The following PRRC2B variants were observed in gnomAD, a reference collection of about 807,000 sequenced individuals.
The protein encoded by PRRC2B is protein PRRC2B.
A neutral mutation model predicts 242.3 loss-of-function variants in PRRC2B; 68 were observed. The ratio of observed to expected loss-of-function variants is 0.28; its 90% CI spans 0.23 to 0.34. The LOEUF (loss-of-function observed/expected upper bound fraction) is 0.34. PRRC2B is among the 10% of genes least tolerant of loss of function. PRRC2B has a pLI of 1.00. For missense variants in PRRC2B, 2,835 were observed against 2,954.8 expected, an observed-to-expected ratio of 0.96 and a Z score of 0.94; for synonymous variants, 1,228 against 1,173.6, an observed-to-expected ratio of 1.05 and a Z score of -0.95.
intron 1 of PRRC2B, among the ~76,000 whole-genome samples, chr9:131,429,186 A>G (rs777778296): frequency 6.2e-4 from 94 of 152,292 alleles, no homozygotes; most frequent in Non-Finnish European, 1.1e-3. Context: ...ACCTTAAGTG[A>G]TCTGCCCACC....
At chr9:131,485,247 G>A (rs1173414210) in intron 25 of PRRC2B, 107 bp downstream of exon 25, 3 of 949,844 alleles carry the variant, frequency 3.2e-6, no homozygotes, top group East Asian at 2.6e-5. Flanking sequence ...TAAGTAGCAT[G>A]TAGAAGTAGC....
rs547877416 is a variant in PRRC2B, at chr9:131,483,524, T to C, written c.5460+79T>C. The C allele has an allele frequency of 8.2e-5, 106 of 1,289,312 alleles. No homozygotes were observed. The East Asian group carries it at 2.4e-3, about 29-fold the overall frequency. 79.9% of individuals were successfully genotyped at this position (1,289,312 alleles called of 1,614,324 possible). A position where few individuals can be genotyped will look rare whatever the true frequency, so the allele number is the denominator to read the frequency against. On this transcript the variant is annotated intron_variant, in intron 23 of 31. Transcript: ENST00000683519. ...CTGGGTGAAGGAGACAGCACATGTA[T>C]TTCAGGCTGACCTGGGCTGGCACGT...
At chr9:131,420,458 T>TTTCTTTCTTTCTTTCC (rs1837780535) in intron 1 of PRRC2B, among the ~76,000 whole-genome samples, 1 of 8,772 alleles carries the variant, frequency 1.1e-4, no homozygotes, top group African/African-American at 1.9e-4. Context: ...TTTCTTTTTC[T>TTTCTTTCTTTCTTTCC]TTCTTTCTTT....
chr9:131,382,732 T>C (rs538685005), intron 1 of PRRC2B, among the ~76,000 whole-genome samples: 8 of 151,438 alleles, frequency 5.3e-5, no homozygotes, highest in African/African-American at 1.9e-4. Flanking sequence ...GCAACCTTCG[T>C]CTCCCAAGCT....
rs113331141 is a variant in PRRC2B, at chr9:131,458,537, G to C, written c.1212-627G>C. 7.3e-3 allele frequency among the ~76,000 whole-genome samples: 1,087 copies of C among 149,872 alleles called. 16 individuals carry two copies. Among genetic ancestry groups the C allele is most frequent in the African/African-American group, 0.024 (963 of 40,640 alleles). On this transcript the variant is annotated intron_variant, in intron 10 of 31. Coordinates refer to ENST00000683519, the MANE Select transcript of PRRC2B (RefSeq NM_013318.4). ...TTTTTCTGAGACGGAGTCTCTCTCT[G>C]TTTGTTGCCCAGGCTGGAGTGTAGT...
Position 131,476,241 on chromosome 9 carries a change from A to G in PRRC2B, c.4112A>G (p.Asn1371Ser), listed in dbSNP as rs906298381. The change falls in exon 16 of 32, where the codon AAT (asparagine) becomes AGT (serine). Residue 1371 changes from asparagine (N) to serine (S), a missense_variant. Transcript: ENST00000683519. Reference sequence around the variant, plus strand: ...TACCAGAACTCCTCCGATCACGCCAATGAGGAGTGGGAGACGGCCTCCGAA... The same window carrying G: ...TACCAGAACTCCTCCGATCACGCCAGTGAGGAGTGGGAGACGGCCTCCGAA... Reference protein sequence around the residue: ...LSYQNSSDHANEEWETASESS... With the variant: ...LSYQNSSDHASEEWETASESS... The G allele has an allele frequency of 4.3e-6, 7 of 1,612,734 alleles. No individual in the cohort carries two copies. Among genetic ancestry groups the G allele is most frequent in the African/African-American group, 1.3e-5 (1 of 74,912 alleles).
intron 1 of PRRC2B, among the ~76,000 whole-genome samples, chr9:131,397,020 A>AC (rs1233127006): frequency 6.6e-6 from 1 of 151,430 alleles, no homozygotes; most frequent in African/African-American, 2.4e-5. Flanking sequence ...AAAATGTGGC[A>AC]CCCCCTCCAG....
In PRRC2B at chr9:131,467,685, G is replaced by C; in HGVS notation, c.1843G>C (p.Ala615Pro). 1.2e-6 allele frequency: 2 copies of C among 1,614,002 alleles called. No individual in the cohort carries two copies. The highest frequency in any genetic ancestry group is 1.7e-6 in the Non-Finnish European group (2 of 1,179,896). ...AGAGGCCAGAGAGGCTGGGTCCCCTGCACAGGAGTTCAAGTATCAGAAGTC... is the reference window on the plus strand; with the variant it reads ...AGAGGCCAGAGAGGCTGGGTCCCCTCCACAGGAGTTCAAGTATCAGAAGTC... ...EEEAREAGSPAQEFKYQKSLP... is the reference protein window; with the variant it reads ...EEEAREAGSPPQEFKYQKSLP... Residue 615 changes from alanine to proline, a missense_variant, in exon 13 of 32, where the codon GCA (alanine) becomes CCA (proline). By Grantham distance (27) the Ala-to-Pro change is conservative. Transcript: ENST00000683519.
At chr9:131,381,493 G>T (rs1345563867) in intron 1 of PRRC2B, among the ~76,000 whole-genome samples, 1 of 137,670 alleles carries the variant, frequency 7.3e-6, no homozygotes, top group Non-Finnish European at 1.5e-5. Flanking sequence ...ATCTCGGCTC[G>T]CTGCAACCTC....
Position 131,487,411 on chromosome 9 carries a change from G to A in PRRC2B, c.5984+117G>A, listed in dbSNP as rs1944056710. The A allele has an allele frequency of 1.2e-6, 1 of 824,418 alleles. No homozygotes were observed. Among genetic ancestry groups the A allele is most frequent in the South Asian group, 1.8e-5 (1 of 55,560 alleles). 51.1% of individuals were successfully genotyped at this position (824,418 alleles called of 1,614,324 possible). ...GTCTGCTTTGGGGCCAGTGGGGCGGGGAGGGGTGGGAGTTTGCTCTGAATC... is the reference window on the plus strand; with the variant it reads ...GTCTGCTTTGGGGCCAGTGGGGCGGAGAGGGGTGGGAGTTTGCTCTGAATC... On this transcript the variant is annotated intron_variant, in intron 27 of 31. Coordinates refer to ENST00000683519, the MANE Select transcript of PRRC2B (RefSeq NM_013318.4). The surrounding 1 kb of genome is among the most constrained non-coding windows in gnomAD (Gnocchi z 5.3).
intron 28 of PRRC2B, chr9:131,490,408 C>A (rs4740252): frequency 7.7e-6 from 4 of 517,224 alleles, no homozygotes; most frequent in Non-Finnish European, 1.5e-5. Context: ...ATGGCAGCAT[C>A]TTCCCATCAT....
intron 1 of PRRC2B, among the ~76,000 whole-genome samples, chr9:131,388,365 C>G (rs148979720): frequency 6.8e-6 from 1 of 146,430 alleles, no homozygotes; most frequent in South Asian, 2.2e-4. Flanking sequence ...CTCAGCCTCC[C>G]GAGTAGCTGG....
At chr9:131,420,499 T>TCGTTC (rs889470295) in intron 1 of PRRC2B, among the ~76,000 whole-genome samples, 1 of 84,492 alleles carries the variant, frequency 1.2e-5, no homozygotes, top group African/African-American at 4.4e-5. Flanking sequence ...CTTTCTTTTT[T>TCGTTC]TTTTTTTTTT....
chr9:131,389,846 T>G (rs534119697), upstream of PRRC2B, among the ~76,000 whole-genome samples: 1 of 148,158 alleles, frequency 6.7e-6, no homozygotes, highest in East Asian at 2.0e-4. Flanking sequence ...AGGTAGAAAC[T>G]CTTAGGCACC....
In PRRC2B at chr9:131,479,310, A is replaced by C. The variant is rs773265811; in HGVS notation, c.4817A>C (p.Gln1606Pro). The C allele has an allele frequency of 1.2e-6, 2 of 1,613,988 alleles. No homozygotes were observed. Among genetic ancestry groups the C allele is most frequent in the Non-Finnish European group, 8.5e-7 (1 of 1,179,874 alleles). ...SRIPPRFAKK[Q>P]NNLCLEQGDV... ...ATTCCTCCTCGATTTGCAAAAAAGC[A>C]GAACAACTTATGTCTGGAGCAAGGT... is the stretch of plus-strand genomic sequence containing the variant. Residue 1606 changes from glutamine to proline, a missense_variant, in exon 19 of 32, where the codon CAG (glutamine) becomes CCG (proline). Gln to Pro is a moderately conservative substitution (Grantham distance 76). Transcript: ENST00000683519.
intron 10 of PRRC2B, among the ~76,000 whole-genome samples, chr9:131,455,775 ACTT>A (rs562813415): frequency 2.2e-3 from 332 of 152,044 alleles, no homozygotes; most frequent in Non-Finnish European, 3.6e-3. Flanking sequence ...CCTGGCCTCA[ACTT>A]CTTTCTTTAC....
intron 23 of PRRC2B, 32 bp from the exon 24 acceptor site, chr9:131,484,654 G>A: frequency 6.4e-7 from 1 of 1,550,808 alleles, no homozygotes. Flanking sequence ...GCACCTGTTT[G>A]TGTTCCATGG....
Position 131,473,708 on chromosome 9 carries a change from A to T in PRRC2B, c.2308A>T (p.Met770Leu). 6.2e-7 allele frequency: 1 copy of T among 1,613,234 alleles called. No individual in the cohort carries two copies. Among genetic ancestry groups the T allele is most frequent in the South Asian group, 1.1e-5 (1 of 90,956 alleles). ...CCCGAAGTCGAGTGACACCTTGGCT[A>T]TGGACATGCGTGTCAGGTGAGATGA... ...PHPKSSDTLA[M>L]DMRVRNESSF... The change falls in exon 15 of 32, where the codon ATG (methionine) becomes TTG (leucine). Residue 770 changes from methionine to leucine, a missense_variant. Physicochemically the swap from Met to Leu is conservative, Grantham distance 15. Transcript: ENST00000683519.
At position 131,476,388 on chromosome 9, in the gene PRRC2B, G is replaced by A; in HGVS notation, c.4259G>A (p.Ser1420Asn). 1.2e-6 allele frequency: 2 copies of A among 1,605,260 alleles called. No homozygotes were observed. Among genetic ancestry groups the A allele is most frequent in the South Asian group, 1.1e-5 (1 of 89,780 alleles). Residue 1420 changes from serine (S) to asparagine (N), a missense_variant, in exon 16 of 32, where the codon AGC becomes AAC. By Grantham distance (46) the Ser-to-Asn change is conservative. Coordinates refer to ENST00000683519, the MANE Select transcript of PRRC2B (RefSeq NM_013318.4). ...LGEKKELAKR[S>N]FSSQRPVVDR... is the part of the protein sequence containing the mutation. The stretch of plus-strand genomic sequence containing the variant: ...GAGAAGAAGGAGCTGGCCAAGAGGA[G>A]CTTCTCCAGTCAGAGACCCGTGGTT...
Sources: gnomAD v4.1 joint callset for allele counts (sites outside exome capture counted in the v4.1 genomes callset) on GRCh38, gnomAD v4.1.1 for gene constraint, Gnocchi (gnomAD v3.1) non-coding constraint, MANE v1.5 for transcripts, NCBI Gene and HGNC (gene_info 2026-07-23, HGNC 2026-07-21) for gene names.